The following FHOD3 variants were observed in gnomAD, a reference collection of about 807,000 sequenced individuals.
FHOD3 encodes the protein FH1/FH2 domain-containing protein 3.
A neutral mutation model predicts 173.0 loss-of-function variants in FHOD3; 90 were observed. That is an observed-to-expected ratio of 0.52 (90% confidence interval 0.44 to 0.62). The LOEUF (loss-of-function observed/expected upper bound fraction) is 0.62. FHOD3 is among the 20% of genes least tolerant of loss of function. FHOD3 has a pLI of 0.00. For missense variants in FHOD3, 1,945 were observed against 2,034.7 expected, an observed-to-expected ratio of 0.96 and a Z score of 0.85; for synonymous variants, 828 against 823.0, an observed-to-expected ratio of 1.01 and a Z score of -0.10.
At chr18:36,541,813 C>T (rs1387124092) in intron 5 of FHOD3, among the ~76,000 whole-genome samples, 1 of 152,162 alleles carries the variant, frequency 6.6e-6, no homozygotes, top group Non-Finnish European at 1.5e-5. Context: ...TTGGAATGAA[C>T]CTCAGAATGG....
intron 26 of FHOD3, among the ~76,000 whole-genome samples, chr18:36,760,101 A>T (rs2150259215): frequency 6.6e-6 from 1 of 152,192 alleles, no homozygotes; most frequent in East Asian, 1.9e-4. Flanking sequence ...ATTCTTCCCA[A>T]CTCTTAACAT....
chr18:36,566,376 A>G (rs940259052), intron 5 of FHOD3, among the ~76,000 whole-genome samples: 3 of 152,230 alleles, frequency 2.0e-5, no homozygotes, highest in Admixed American at 2.0e-4. Context: ...TTTTATATGT[A>G]AGGACTTCTG....
At chr18:36,607,540 A>G (rs2032213236) in intron 8 of FHOD3, among the ~76,000 whole-genome samples, 2 of 152,116 alleles carry the variant, frequency 1.3e-5, no homozygotes, top group Admixed American at 6.6e-5. Flanking sequence ...CCTTTTAGCA[A>G]ATGGTCACTT....
At chr18:36,342,988 G>A (rs1282502276) in intron 1 of FHOD3, among the ~76,000 whole-genome samples, 5 of 152,156 alleles carry the variant, frequency 3.3e-5, no homozygotes, top group Non-Finnish European at 5.9e-5. Flanking sequence ...ACATTTATTA[G>A]GATTGCCATA....
chr18:36,710,574 T>C (rs1483466948), intron 18 of FHOD3: 1 of 152,212 alleles, frequency 6.6e-6, no homozygotes, highest in Non-Finnish European at 1.5e-5. Flanking sequence ...AGTTAGAATA[T>C]ACTACTAGAT....
chr18:36,534,911 C>G (rs2056932402), intron 5 of FHOD3, among the ~76,000 whole-genome samples: 1 of 152,228 alleles, frequency 6.6e-6, no homozygotes, highest in Admixed American at 6.5e-5. Context: ...CACTCAGGAA[C>G]ATCTGCCTAA....
intron 20 of FHOD3, among the ~76,000 whole-genome samples, chr18:36,739,539 A>C (rs997754911): frequency 6.6e-6 from 1 of 152,232 alleles, no homozygotes; most frequent in African/African-American, 2.4e-5. Context: ...AATTAAATCT[A>C]TAGATCAATT....
intron 3 of FHOD3, among the ~76,000 whole-genome samples, chr18:36,457,127 G>A (rs907417607): frequency 2.4e-4 from 36 of 152,096 alleles, no homozygotes; most frequent in Non-Finnish European, 7.3e-5. Context: ...TTTTAAGGGA[G>A]CAGCTGCTGA....
At chr18:36,632,634 T>TG (rs1195731916) in intron 10 of FHOD3, among the ~76,000 whole-genome samples, 1 of 152,192 alleles carries the variant, frequency 6.6e-6, no homozygotes, top group African/African-American at 2.4e-5. Context: ...TTAGGCATCA[T>TG]GCTTGCTCAG....
chr18:36,309,817 C>T (rs772493453), intron 1 of FHOD3, among the ~76,000 whole-genome samples: 2 of 152,104 alleles, frequency 1.3e-5, no homozygotes, highest in South Asian at 2.1e-4. Context: ...TGATTCATTA[C>T]AGAATACGCC....
intron 3 of FHOD3, among the ~76,000 whole-genome samples, chr18:36,388,648 G>A (rs1040339552): frequency 2.0e-5 from 3 of 152,096 alleles, no homozygotes; most frequent in Non-Finnish European, 4.4e-5. Flanking sequence ...AGGGATGGCC[G>A]AGTCCCTTCC....
intron 3 of FHOD3, among the ~76,000 whole-genome samples, chr18:36,468,401 G>A (rs1027053087): frequency 3.9e-5 from 6 of 152,180 alleles, no homozygotes; most frequent in African/African-American, 1.4e-4. Flanking sequence ...GGAAGGCGGA[G>A]GTGGTGGAGA....
chr18:36,687,183 G>C lies in FHOD3; in HGVS notation c.2021+5G>C. ...AAGGCAAGCAAGAGAAGAAAGGTTT[G>C]TATATTTCTTCTTTCCCATTGTAAC... On this transcript the variant is annotated splice_donor_5th_base_variant and intron_variant, in intron 16 of 28. Transcript: ENST00000590592. 1.2e-6 allele frequency: 2 copies of C among 1,603,804 alleles called. No homozygotes were observed. The highest frequency in any genetic ancestry group is 2.2e-5 in the East Asian group (1 of 44,752).
chr18:36,304,124 A>G (rs1482484210), intron 1 of FHOD3, among the ~76,000 whole-genome samples: 1 of 152,252 alleles, frequency 6.6e-6, no homozygotes, highest in African/African-American at 2.4e-5. Context: ...ATTCAAATAC[A>G]TTATAAAATA....
At chr18:36,524,144 A>T in intron 5 of FHOD3, among the ~76,000 whole-genome samples, 1 of 151,888 alleles carries the variant, frequency 6.6e-6, no homozygotes, top group East Asian at 1.9e-4. Context: ...TAGCAGGGTG[A>T]GGTAGTGCAT....
chr18:36,736,983 CAA>C (rs991288599), intron 20 of FHOD3, among the ~76,000 whole-genome samples: 6 of 152,152 alleles, frequency 3.9e-5, no homozygotes, highest in African/African-American at 1.4e-4. Flanking sequence ...CTTAGAAAAA[CAA>C]ATTAAAAATA....
intron 17 of FHOD3, among the ~76,000 whole-genome samples, chr18:36,695,371 AT>A (rs1210316410): frequency 6.6e-6 from 1 of 152,004 alleles, no homozygotes; most frequent in African/African-American, 2.4e-5. Context: ...AAAAAAAAGA[AT>A]ATTTGCAAGT....
At chr18:36,584,760 A>G (rs1373034351) in intron 6 of FHOD3, among the ~76,000 whole-genome samples, 2 of 152,098 alleles carry the variant, frequency 1.3e-5, no homozygotes, top group Admixed American at 6.6e-5. Context: ...TAACACATAG[A>G]CCCCTTCTCA....
At chr18:36,340,891 T>C (rs999190806) in intron 1 of FHOD3, among the ~76,000 whole-genome samples, 2 of 151,990 alleles carry the variant, frequency 1.3e-5, no homozygotes, top group Non-Finnish European at 2.9e-5. Context: ...TCTGCCTCGG[T>C]CTCCCAAAGT....
Sources: allele counts gnomAD v4.1 joint callset (sites outside exome capture counted in the v4.1 genomes callset), GRCh38; gene constraint gnomAD v4.1.1; transcripts MANE v1.5; gene names NCBI Gene and HGNC (gene_info 2026-07-23, HGNC 2026-07-21).